TUSC3: variants seen among roughly 807,000 people sequenced by gnomAD.
The protein encoded by TUSC3 is tumor suppressor candidate 3, also known as dolichyl-diphosphooligosaccharide--protein glycosyltransferase subunit TUSC3.
TUSC3 carries 45 observed loss-of-function variants against 44.8 expected under a neutral mutation model. That is an observed-to-expected ratio of 1.00 (90% CI 0.79 to 1.29). The LOEUF (loss-of-function observed/expected upper bound fraction) is 1.29, where lower values mean the gene tolerates loss of function less well. Among genes scored for constraint, TUSC3 ranks in the 50% most tolerant of loss-of-function variants. TUSC3 has a pLI of 0.00. For synonymous variants in TUSC3, 212 were observed against 152.9 expected (o/e 1.39, Z -2.85); for missense variants, 519 against 437.9 (o/e 1.19, Z -1.65).
At chr8:15,647,640 A>C (rs1005853984) in intron 2 of TUSC3, among the ~76,000 whole-genome samples, 1 of 152,040 alleles carries the variant, frequency 6.6e-6, no homozygotes, top group Non-Finnish European at 1.5e-5. Context: ...ACAGTGCTCT[A>C]TCATAGTCTT....
intron 7 of TUSC3, among the ~76,000 whole-genome samples, chr8:15,739,276 T>C (rs576586329): frequency 7.9e-5 from 12 of 152,342 alleles, no homozygotes; most frequent in African/African-American, 2.9e-4. Context: ...TTTGTATGTA[T>C]ATTAAGTTTT....
chr8:15,833,919 C>A, the TUSC3 span, among the ~76,000 whole-genome samples: 1 of 151,732 alleles, frequency 6.6e-6, no homozygotes, highest in Non-Finnish European at 1.5e-5. Context: ...ATATAGAGAA[C>A]GTTTACTGAT....
At chr8:15,486,652 C>T (rs2129125360) in intron 2 of TUSC3, among the ~76,000 whole-genome samples, 1 of 152,080 alleles carries the variant, frequency 6.6e-6, no homozygotes, top group Admixed American at 6.6e-5. Context: ...ACCATCTTGG[C>T]CAGGCTGGTT....
At chr8:15,508,067 C>T (rs554410441) in intron 2 of TUSC3, among the ~76,000 whole-genome samples, 1 of 152,114 alleles carries the variant, frequency 6.6e-6, no homozygotes, top group South Asian at 2.1e-4. Flanking sequence ...CATGGGGAAA[C>T]CCGTCTCTAC....
chr8:15,751,019 T>A (rs1045726267), intron 9 of TUSC3, among the ~76,000 whole-genome samples: 2 of 152,178 alleles, frequency 1.3e-5, no homozygotes, highest in African/African-American at 4.8e-5. Flanking sequence ...CAGTGTGACC[T>A]GCTGTGTAGA....
intron 1 of TUSC3, among the ~76,000 whole-genome samples, chr8:15,421,919 T>C (rs1799742802): frequency 6.6e-6 from 1 of 152,312 alleles, no homozygotes; most frequent in Non-Finnish European, 1.5e-5. Context: ...TTGAATTCAA[T>C]TGTTTTCTTT....
chr8:15,625,126 A>G (rs758880131), intron 2 of TUSC3, among the ~76,000 whole-genome samples: 33 of 152,276 alleles, frequency 2.2e-4, no homozygotes, highest in African/African-American at 7.0e-4. Flanking sequence ...TTTCTTGCCT[A>G]TGGATATAAT....
chr8:15,583,013 A>C (rs865992702), intron 1 of TUSC3, among the ~76,000 whole-genome samples: 47 of 152,312 alleles, frequency 3.1e-4, no homozygotes, highest in Middle Eastern at 3.4e-3. Context: ...TTTTGATTTC[A>C]ACAACATGTA....
chr8:15,522,660 C>T (rs4831734), intron 2 of TUSC3, among the ~76,000 whole-genome samples: 1 of 151,652 alleles, frequency 6.6e-6, no homozygotes, highest in African/African-American at 2.4e-5. Context: ...GGCTGTTTCC[C>T]TACTCCATCT....
chr8:15,570,953 A>ATTTTTTTTTTTTTTT (rs1491358652), intron 1 of TUSC3, among the ~76,000 whole-genome samples: 8 of 24,356 alleles, frequency 3.3e-4, no homozygotes, highest in Admixed American at 7.4e-4. Flanking sequence ...ATTGCCTATT[A>ATTTTTTTTTTTTTTT]GTTTTTTTTT....
chr8:15,689,739 T>C (rs1808812179), intron 6 of TUSC3, among the ~76,000 whole-genome samples: 1 of 152,060 alleles, frequency 6.6e-6, no homozygotes, highest in Non-Finnish European at 1.5e-5. Flanking sequence ...GTTAGTTTGC[T>C]TAGGATAATG....
intron 2 of TUSC3, among the ~76,000 whole-genome samples, chr8:15,510,303 C>G (rs1801116200): frequency 6.6e-6 from 1 of 151,844 alleles, no homozygotes; most frequent in African/African-American, 2.4e-5. Context: ...TTGGTAAAAC[C>G]AGAAGCTGGT....
intron 2 of TUSC3, among the ~76,000 whole-genome samples, chr8:15,514,167 T>A (rs1295476124): frequency 6.6e-6 from 1 of 152,166 alleles, no homozygotes; most frequent in African/African-American, 2.4e-5. Flanking sequence ...CCGCATTATT[T>A]AAGGGAGTGT....
intron 6 of TUSC3, among the ~76,000 whole-genome samples, chr8:15,692,590 C>T (rs958715199): frequency 1.3e-5 from 2 of 151,166 alleles, no homozygotes; most frequent in Admixed American, 1.3e-4. Flanking sequence ...TGTATGTTTC[C>T]AGGAATTTAT....
intron 1 of TUSC3, among the ~76,000 whole-genome samples, chr8:15,562,303 TC>T (rs1414272614): frequency 6.6e-6 from 1 of 152,162 alleles, no homozygotes; most frequent in African/African-American, 2.4e-5. Flanking sequence ...AAATCTTATT[TC>T]TTAGTGTGGC....
chr8:15,494,042 C>T (rs548413819), intron 2 of TUSC3, among the ~76,000 whole-genome samples: 1 of 152,158 alleles, frequency 6.6e-6, no homozygotes, highest in South Asian at 2.1e-4. Flanking sequence ...TCGTGGCATG[C>T]TTGAGATCTT....
chr8:15,598,262 A>G (rs1039633352), intron 1 of TUSC3, among the ~76,000 whole-genome samples: 1 of 151,918 alleles, frequency 6.6e-6, no homozygotes, highest in African/African-American at 2.4e-5. Flanking sequence ...TTCTTGTTCT[A>G]GACGTATTTT....
At chr8:15,842,757 T>G in the TUSC3 span, among the ~76,000 whole-genome samples, 1 of 152,182 alleles carries the variant, frequency 6.6e-6, no homozygotes, top group African/African-American at 2.4e-5. Flanking sequence ...AGAAGGTCCT[T>G]TGGTATTGAC....
chr8:15,520,709 T>C (rs1206261580), intron 2 of TUSC3, among the ~76,000 whole-genome samples: 1 of 152,206 alleles, frequency 6.6e-6, no homozygotes, highest in African/African-American at 2.4e-5. Flanking sequence ...TCTCTACCTA[T>C]GCAATTCCGT....
Sources: allele counts gnomAD v4.1 joint callset (sites outside exome capture counted in the v4.1 genomes callset), GRCh38; gene constraint gnomAD v4.1.1; transcripts MANE v1.5; gene names NCBI Gene and HGNC (gene_info 2026-07-23, HGNC 2026-07-21).